The following PKIB variants were observed in gnomAD, a reference collection of about 807,000 sequenced individuals.
PKIB encodes cAMP-dependent protein kinase inhibitor beta.
Under a neutral mutation model 4.5 loss-of-function variants are expected in PKIB, and 2 were observed. That is an observed-to-expected ratio of 0.44 (90% CI 0.18 to 1.39). The LOEUF (loss-of-function observed/expected upper bound fraction) is 1.39, where lower values mean the gene tolerates loss of function less well. Among genes scored for constraint, PKIB ranks in the 40% most tolerant of loss-of-function variants. PKIB has a pLI of 0.27. For missense variants in PKIB, 94 were observed against 92.6 expected (o/e 1.02, Z -0.06); for synonymous variants, 38 against 36.0 (o/e 1.06, Z -0.20).
At chr6:122,655,223 G>A (rs1413681050) in intron 2 of PKIB, among the ~76,000 whole-genome samples, 1 of 152,142 alleles carries the variant, frequency 6.6e-6, no homozygotes, top group Non-Finnish European at 1.5e-5. Context: ...GCCTAAAAAT[G>A]TGGCACAAAA....
At chr6:122,538,576 C>T (rs1245967433) in intron 2 of PKIB, among the ~76,000 whole-genome samples, 2 of 152,064 alleles carry the variant, frequency 1.3e-5, no homozygotes, top group African/African-American at 2.4e-5. Flanking sequence ...GTTTTGGTTA[C>T]TGTAGCCTTG....
chr6:122,690,134 G>A (rs1778268360), intron 3 of PKIB, among the ~76,000 whole-genome samples: 1 of 150,466 alleles, frequency 6.6e-6, no homozygotes, highest in African/African-American at 2.4e-5. Context: ...CTGTCTGTGT[G>A]TGTCTTTGTA....
At chr6:122,510,117 C>G (rs925536844) in intron 2 of PKIB, among the ~76,000 whole-genome samples, 33 of 151,936 alleles carry the variant, frequency 2.2e-4, no homozygotes, top group African/African-American at 8.0e-4. Context: ...AAATTTGAAC[C>G]TTTTGAGGCT....
At chr6:122,524,764 G>T (rs1777049596) in intron 2 of PKIB, among the ~76,000 whole-genome samples, 1 of 151,820 alleles carries the variant, frequency 6.6e-6, no homozygotes, top group Non-Finnish European at 1.5e-5. Context: ...TTTTTGGTAT[G>T]TACTTGCTTA....
At chr6:122,661,121 G>A (rs1407950323) in intron 2 of PKIB, among the ~76,000 whole-genome samples, 1 of 152,008 alleles carries the variant, frequency 6.6e-6, no homozygotes. Context: ...AAGATGATTG[G>A]CATATCGCAC....
chr6:122,504,046 G>A (rs1416402606), intron 2 of PKIB, among the ~76,000 whole-genome samples: 2 of 152,134 alleles, frequency 1.3e-5, no homozygotes, highest in South Asian at 2.1e-4. Context: ...TCAGAAATAT[G>A]CTAATGAGAG....
intron 3 of PKIB, chr6:122,701,421 T>C: frequency 1.3e-6 from 2 of 1,556,980 alleles, no homozygotes; most frequent in South Asian, 1.2e-5. Context: ...AAGGCACTGT[T>C]TTCTCATTGC....
chr6:122,620,971 T>C (rs916046921), intron 1 of PKIB, among the ~76,000 whole-genome samples: 6 of 151,998 alleles, frequency 3.9e-5, no homozygotes, highest in African/African-American at 1.2e-4. Flanking sequence ...GATGATTTAC[T>C]TACCTGACCA....
intron 2 of PKIB, among the ~76,000 whole-genome samples, chr6:122,576,710 A>ATT (rs761840714): frequency 2.8e-4 from 31 of 109,976 alleles, no homozygotes; most frequent in African/African-American, 5.9e-4. Flanking sequence ...ATATATATAT[A>ATT]TTTTCTTTTG....
At chr6:122,572,180 A>G (rs1313966467) in intron 2 of PKIB, among the ~76,000 whole-genome samples, 4 of 152,158 alleles carry the variant, frequency 2.6e-5, no homozygotes, top group Non-Finnish European at 5.9e-5. Context: ...TTGAAACAAT[A>G]CAATAAAAAA....
intron 1 of PKIB, among the ~76,000 whole-genome samples, chr6:122,611,528 T>A (rs1370649074): frequency 6.6e-6 from 1 of 152,080 alleles, no homozygotes; most frequent in Non-Finnish European, 1.5e-5. Context: ...AGAAAAAAAA[T>A]TTTAAAAAAA....
chr6:122,534,752 G>A (rs1003954459), intron 2 of PKIB, among the ~76,000 whole-genome samples: 1 of 152,104 alleles, frequency 6.6e-6, no homozygotes, highest in Non-Finnish European at 1.5e-5. Context: ...AGCCTCCAGA[G>A]TAACTAGAAC....
intron 2 of PKIB, among the ~76,000 whole-genome samples, chr6:122,521,104 G>A (rs557634061): frequency 1.3e-5 from 2 of 152,298 alleles, no homozygotes; most frequent in Non-Finnish European, 1.5e-5. Context: ...CTGGCTTCAG[G>A]TGTTGCAGTT....
chr6:122,553,728 T>G (rs945633321), intron 2 of PKIB, among the ~76,000 whole-genome samples: 1 of 152,108 alleles, frequency 6.6e-6, no homozygotes, highest in Non-Finnish European at 1.5e-5. Context: ...GGAATCTAAT[T>G]TACAGTTTCC....
intron 2 of PKIB, among the ~76,000 whole-genome samples, chr6:122,511,165 C>A (rs1776573940): frequency 6.6e-6 from 1 of 152,172 alleles, no homozygotes; most frequent in Non-Finnish European, 1.5e-5. Flanking sequence ...CCAAACTGAC[C>A]AAACAGGCAA....
At chr6:122,674,815 G>T (rs1352310830) in intron 2 of PKIB, among the ~76,000 whole-genome samples, 1 of 152,098 alleles carries the variant, frequency 6.6e-6, no homozygotes, top group African/African-American at 2.4e-5. Flanking sequence ...ATCCTTAACA[G>T]CATCAATGCA....
intron 1 of PKIB, among the ~76,000 whole-genome samples, chr6:122,614,601 T>C (rs963526478): frequency 1.3e-5 from 2 of 152,146 alleles, no homozygotes; most frequent in African/African-American, 2.4e-5. Flanking sequence ...TGAAGTCCAG[T>C]GTGATAGCTT....
In PKIB at chr6:122,587,797, A is replaced by G. The variant is rs542067276; in HGVS notation, c.-161+1790A>G. 5.3e-5 allele frequency among the ~76,000 whole-genome samples: 8 copies of G among 152,142 alleles called. No homozygotes were observed. The East Asian group carries it at 9.7e-4, about 18-fold the overall frequency. On this transcript the variant is annotated intron_variant, in intron 3 of 6. Coordinates refer to the PKIB transcript ENST00000392491. ...GGCCAGTGATGATGAGCATTTTTTCATGTGTCTTTTGGCTGCATAAATGTC... is the reference window on the plus strand; with the variant it reads ...GGCCAGTGATGATGAGCATTTTTTCGTGTGTCTTTTGGCTGCATAAATGTC...
intron 3 of PKIB, among the ~76,000 whole-genome samples, chr6:122,699,086 T>C (rs1778691467): frequency 6.6e-6 from 1 of 152,106 alleles, no homozygotes. Flanking sequence ...TGGATGTCAT[T>C]AAGATCCTGC....
Sources: gnomAD v4.1 joint callset for allele counts (sites outside exome capture counted in the v4.1 genomes callset) on GRCh38, gnomAD v4.1.1 for gene constraint, MANE v1.5 for transcripts, NCBI Gene and HGNC (gene_info 2026-07-23, HGNC 2026-07-21) for gene names.